Variants in MAD1L1 observed in about 807,000 individuals in gnomAD.
The protein encoded by MAD1L1 is mitotic spindle assembly checkpoint protein MAD1.
A neutral mutation model predicts 96.9 loss-of-function variants in MAD1L1; 95 were observed. The ratio of observed to expected loss-of-function variants is 0.98; its 90% CI spans 0.83 to 1.16. The LOEUF (loss-of-function observed/expected upper bound fraction) is 1.16. Among genes scored for constraint, MAD1L1 ranks in the 50% most tolerant of loss-of-function variants. The pLI, the probability that MAD1L1 is intolerant of heterozygous loss-of-function variation, is 0.00. For synonymous variants in MAD1L1, 473 were observed against 396.6 expected (o/e 1.19, Z -2.29); for missense variants, 1,007 against 954.4 (o/e 1.06, Z -0.73).
At chr7:2,000,326 C>G (rs1203578192) in intron 14 of MAD1L1, among the ~76,000 whole-genome samples, 4 of 152,218 alleles carry the variant, frequency 2.6e-5, no homozygotes, top group African/African-American at 9.6e-5. Context: ...CCACCCCGGC[C>G]TGCCACTTCC....
At chr7:2,066,840 C>T (rs991779781) in intron 12 of MAD1L1, among the ~76,000 whole-genome samples, 3 of 152,234 alleles carry the variant, frequency 2.0e-5, no homozygotes, top group Admixed American at 2.0e-4. Context: ...GGCTGCAGGC[C>T]AGACCCAGCA....
At chr7:2,023,123 C>G (rs1322575949) in intron 12 of MAD1L1, among the ~76,000 whole-genome samples, 1 of 152,182 alleles carries the variant, frequency 6.6e-6, no homozygotes, top group Non-Finnish European at 1.5e-5. Flanking sequence ...CAGAAACGGA[C>G]AGATCCCGCA....
intron 18 of MAD1L1, among the ~76,000 whole-genome samples, chr7:1,858,891 A>G (rs552587971): frequency 6.6e-6 from 1 of 152,316 alleles, no homozygotes; most frequent in East Asian, 1.9e-4. Flanking sequence ...GGGAGATCCC[A>G]GGTCAGGGCA....
At chr7:2,133,450 T>C (rs1431276608) in intron 11 of MAD1L1, among the ~76,000 whole-genome samples, 3 of 152,272 alleles carry the variant, frequency 2.0e-5, no homozygotes, top group Non-Finnish European at 4.4e-5. Flanking sequence ...ATAACAGCCC[T>C]TATCAGATAT....
At chr7:1,854,402 C>A in intron 18 of MAD1L1, 1 of 462,144 alleles carries the variant, frequency 2.2e-6, no homozygotes. Flanking sequence ...CCGCTGCAGA[C>A]TAGGTGGCTC....
chr7:2,066,968 C>T (rs1466465790), intron 12 of MAD1L1, among the ~76,000 whole-genome samples: 2 of 152,218 alleles, frequency 1.3e-5, no homozygotes, highest in African/African-American at 2.4e-5. Context: ...CAGCTGAGGC[C>T]GGGCGGGGCT....
At chr7:2,113,984 C>T (rs1183533607) in intron 11 of MAD1L1, among the ~76,000 whole-genome samples, 1 of 152,156 alleles carries the variant, frequency 6.6e-6, no homozygotes, top group African/African-American at 2.4e-5. Context: ...GATCCCAGGC[C>T]AGATCCTGGC....
At chr7:1,895,456 C>T (rs954102477) in intron 18 of MAD1L1, among the ~76,000 whole-genome samples, 5 of 152,202 alleles carry the variant, frequency 3.3e-5, no homozygotes, top group Admixed American at 6.5e-5. Context: ...AGGCCCACCC[C>T]GCAGCTCTCA....
At chr7:1,986,909 C>T (rs555045553) in intron 14 of MAD1L1, among the ~76,000 whole-genome samples, 17 of 152,092 alleles carry the variant, frequency 1.1e-4, no homozygotes, top group Non-Finnish European at 2.1e-4. Flanking sequence ...AGCCTGTGCC[C>T]GACACCCCCA....
At chr7:1,927,878 C>A (rs1299130083) in intron 17 of MAD1L1, among the ~76,000 whole-genome samples, 1 of 152,142 alleles carries the variant, frequency 6.6e-6, no homozygotes, top group Admixed American at 6.5e-5. Context: ...AATGAAGAGG[C>A]TCGTCACGGG....
intron 11 of MAD1L1, among the ~76,000 whole-genome samples, chr7:2,135,009 A>G (rs1194040532): frequency 3.3e-5 from 5 of 152,252 alleles, no homozygotes; most frequent in East Asian, 3.8e-4. Context: ...CAGACATTCA[A>G]TGACTGACGT....
At chr7:2,106,351 G>T (rs1036290449) in intron 11 of MAD1L1, among the ~76,000 whole-genome samples, 1 of 149,802 alleles carries the variant, frequency 6.7e-6, no homozygotes, top group Non-Finnish European at 1.5e-5. Context: ...GCCCCACCCT[G>T]CCCTTCCTTC....
chr7:2,197,575 C>T (rs566957727), intron 10 of MAD1L1, among the ~76,000 whole-genome samples: 70 of 152,312 alleles, frequency 4.6e-4, no homozygotes, highest in Middle Eastern at 3.4e-3. Flanking sequence ...GACACAGGCA[C>T]GACCAGGACT....
intron 12 of MAD1L1, among the ~76,000 whole-genome samples, chr7:2,025,930 A>G (rs886835106): frequency 6.6e-6 from 1 of 152,212 alleles, no homozygotes; most frequent in Non-Finnish European, 1.5e-5. Flanking sequence ...TGTTTTCATA[A>G]AAAACGAATA....
chr7:2,127,887 A>G (rs1051356764), intron 11 of MAD1L1, among the ~76,000 whole-genome samples: 1 of 152,190 alleles, frequency 6.6e-6, no homozygotes, highest in Non-Finnish European at 1.5e-5. Context: ...CAATGGCCCC[A>G]GAGCCGGTCT....
chr7:1,855,380 C>T (rs879417854), intron 18 of MAD1L1, among the ~76,000 whole-genome samples: 22 of 152,118 alleles, frequency 1.4e-4, no homozygotes, highest in Admixed American at 7.8e-4. Context: ...GCTTAAGTTC[C>T]GCTTCCTTCT....
intron 16 of MAD1L1, among the ~76,000 whole-genome samples, chr7:1,950,852 C>T (rs954760255): frequency 6.6e-6 from 1 of 152,248 alleles, no homozygotes; most frequent in African/African-American, 2.4e-5. Flanking sequence ...CACCCGTGCT[C>T]CTCGTTCAGC....
At chr7:1,977,791 A>G (rs1165849158) in intron 15 of MAD1L1, among the ~76,000 whole-genome samples, 2 of 152,250 alleles carry the variant, frequency 1.3e-5, no homozygotes, top group Non-Finnish European at 2.9e-5. Context: ...GCAGAGTGCC[A>G]TCTCAGAGAG....
At chr7:2,137,685 C>A (rs1447002238) in intron 11 of MAD1L1, among the ~76,000 whole-genome samples, 4 of 152,234 alleles carry the variant, frequency 2.6e-5, no homozygotes, top group African/African-American at 9.7e-5. Flanking sequence ...AGAGCGCTTT[C>A]CCCATGGTCC....
Sources: gnomAD v4.1 joint callset for allele counts (sites outside exome capture counted in the v4.1 genomes callset) on GRCh38, gnomAD v4.1.1 for gene constraint, MANE v1.5 for transcripts, NCBI Gene and HGNC (gene_info 2026-07-23, HGNC 2026-07-21) for gene names.